The following TFDP2 variants were observed in gnomAD, a reference collection of about 807,000 sequenced individuals.
The protein encoded by TFDP2 is transcription factor Dp-2, also known as transcription factor Dp-2 (E2F dimerization partner 2).
In TFDP2, 17 loss-of-function variants were observed where a neutral mutation model predicts 59.3. The observed-to-expected ratio is 0.29, with a 90% confidence interval of 0.20 to 0.43. The LOEUF is 0.43. Ranked by LOEUF, TFDP2 falls within the 20% of genes least tolerant of loss-of-function variation. The pLI, the probability that TFDP2 is intolerant of heterozygous loss-of-function variation, is 1.00. For synonymous variants in TFDP2, 180 were observed against 194.7 expected (o/e 0.92, Z 0.63); for missense variants, 391 against 528.8 (o/e 0.74, Z 2.56).
intron 3 of TFDP2, among the ~76,000 whole-genome samples, chr3:142,087,712 G>T (rs1193172568): frequency 6.6e-6 from 1 of 152,008 alleles, no homozygotes; most frequent in African/African-American, 2.4e-5. Context: ...ATGTTGCCCA[G>T]GCTGGTCTTG....
At chr3:142,144,819 C>T (rs1283504026) in intron 1 of TFDP2, among the ~76,000 whole-genome samples, 2 of 152,152 alleles carry the variant, frequency 1.3e-5, no homozygotes, top group East Asian at 1.9e-4. Context: ...GGATTATAGG[C>T]GTGAGTCACT....
At chr3:142,067,053 C>T (rs966562784) in intron 3 of TFDP2, among the ~76,000 whole-genome samples, 4 of 152,072 alleles carry the variant, frequency 2.6e-5, no homozygotes, top group Non-Finnish European at 2.9e-5. Flanking sequence ...TAAAATAATA[C>T]CTAAAAATAA....
chr3:141,961,237 GT>G (rs1177754086), intron 10 of TFDP2, among the ~76,000 whole-genome samples: 3,928 of 84,776 alleles, frequency 0.046, 12 homozygotes, highest in Non-Finnish European at 0.064. Context: ...GTTTTTTGTT[GT>G]TTTTTTTTTT....
At chr3:142,093,199 T>C in intron 2 of TFDP2, 72 bp from the exon 3 acceptor site, 1 of 1,000,070 alleles carries the variant, frequency 1.0e-6, no homozygotes, top group Non-Finnish European at 1.4e-6. Flanking sequence ...AGCTATTTTA[T>C]ATCTTCCATC....
chr3:142,108,926 T>C (rs1260578030), intron 1 of TFDP2, among the ~76,000 whole-genome samples: 8 of 152,218 alleles, frequency 5.3e-5, no homozygotes, highest in Admixed American at 5.2e-4. Context: ...CTTTAGATCC[T>C]TTCTCAAGTG....
chr3:142,052,947 C>T (rs987611236), intron 3 of TFDP2, among the ~76,000 whole-genome samples: 2 of 151,764 alleles, frequency 1.3e-5, no homozygotes, highest in African/African-American at 4.8e-5. Flanking sequence ...GTAGCTGGGA[C>T]TACAGGCACC....
rs566499163 is a variant in TFDP2 at position 141,966,849 on chromosome 3, G to A, written c.733-2886C>T. Among the ~76,000 whole-genome samples, 14 of 149,322 alleles carry A rather than the reference G, an allele frequency of 9.4e-5. No homozygotes were observed. In the East Asian group the frequency reaches 2.8e-3, roughly 29 times the overall value. ...TAGTTACCTGTGTCATGTGACATGA[G>A]TGAGTTGTGACATGAGCTTATAAAA... On this transcript the variant is annotated intron_variant, in intron 9 of 12. Coordinates refer to ENST00000489671, the MANE Select transcript of TFDP2 (RefSeq NM_001178139.2).
intron 7 of TFDP2, 28 bp from the exon 8 acceptor site, chr3:141,974,219 TAA>T: frequency 6.3e-7 from 1 of 1,579,892 alleles, no homozygotes. Flanking sequence ...CACTGAGTGA[TAA>T]ATCTTAAGGG....
intron 11 of TFDP2, 69 bp downstream of exon 11, chr3:141,959,605 G>T: frequency 3.2e-6 from 5 of 1,552,002 alleles, no homozygotes; most frequent in Non-Finnish European, 4.4e-6. Flanking sequence ...TTTTCTATAA[G>T]AAAGGTTTTA....
At chr3:141,958,827 CCT>C (rs938281671) in intron 11 of TFDP2, among the ~76,000 whole-genome samples, 3 of 152,000 alleles carry the variant, frequency 2.0e-5, no homozygotes, top group African/African-American at 7.2e-5. Flanking sequence ...CCTTTTTTCC[CCT>C]GACATTTAAA....
intron 3 of TFDP2, among the ~76,000 whole-genome samples, chr3:142,062,980 A>C (rs1456079001): frequency 6.6e-6 from 1 of 152,208 alleles, no homozygotes; most frequent in East Asian, 1.9e-4. Context: ...CTTGAAATAG[A>C]GCACAAGGCA....
intron 3 of TFDP2, among the ~76,000 whole-genome samples, chr3:142,015,945 C>G (rs1945100476): frequency 6.6e-6 from 1 of 151,998 alleles, no homozygotes; most frequent in Admixed American, 6.6e-5. Context: ...AAACTTAGCA[C>G]AAAAAAACTA....
At chr3:142,036,458 C>T (rs1223824896) in intron 3 of TFDP2, among the ~76,000 whole-genome samples, 1 of 152,350 alleles carries the variant, frequency 6.6e-6, no homozygotes, top group Middle Eastern at 3.4e-3. Context: ...TTTATTACAA[C>T]ATTTATCACA....
At chr3:141,968,402 T>TATATAA (rs1183792005) in intron 9 of TFDP2, among the ~76,000 whole-genome samples, 1 of 110,132 alleles carries the variant, frequency 9.1e-6, no homozygotes, top group African/African-American at 3.5e-5. Context: ...AACATATATA[T>TATATAA]CATATATATA....
intron 1 of TFDP2, among the ~76,000 whole-genome samples, chr3:142,118,416 TA>T (rs2061920884): frequency 1.3e-5 from 2 of 152,160 alleles, no homozygotes; most frequent in South Asian, 4.1e-4. Flanking sequence ...AAAACAACTG[TA>T]ACACAATCCT....
intron 1 of TFDP2, among the ~76,000 whole-genome samples, chr3:142,125,182 G>A (rs986524573): frequency 6.6e-6 from 1 of 152,044 alleles, no homozygotes; most frequent in Non-Finnish European, 1.5e-5. Flanking sequence ...TTCCAGCCTG[G>A]GTGACAAAGT....
chr3:142,052,343 C>T (rs1947675138), intron 3 of TFDP2, among the ~76,000 whole-genome samples: 1 of 151,282 alleles, frequency 6.6e-6, no homozygotes, highest in Non-Finnish European at 1.5e-5. Flanking sequence ...CATGACCATC[C>T]TGGCTAACAC....
chr3:142,046,235 C>T (rs1947342993), intron 3 of TFDP2, among the ~76,000 whole-genome samples: 1 of 152,154 alleles, frequency 6.6e-6, no homozygotes, highest in African/African-American at 2.4e-5. Context: ...ATATAGTTCT[C>T]CCCTAGTCAA....
intron 3 of TFDP2, among the ~76,000 whole-genome samples, chr3:142,056,405 G>A (rs79913211): frequency 0.05 from 7,650 of 151,942 alleles, 633 homozygotes; most frequent in African/African-American, 0.17. Context: ...AATATAGTGC[G>A]GTAAATATAG....
Sources: allele counts gnomAD v4.1 joint callset (sites outside exome capture counted in the v4.1 genomes callset), GRCh38; gene constraint gnomAD v4.1.1; transcripts MANE v1.5; gene names NCBI Gene and HGNC (gene_info 2026-07-23, HGNC 2026-07-21).